The following CUL2 variants were observed in gnomAD, a reference collection of about 807,000 sequenced individuals.
CUL2 encodes cullin-2.
CUL2 carries 22 observed loss-of-function variants against 110.2 expected under a neutral mutation model. The ratio of observed to expected loss-of-function variants is 0.20; its 90% CI spans 0.14 to 0.28. The LOEUF (loss-of-function observed/expected upper bound fraction) is 0.28, where lower values mean the gene tolerates loss of function less well. CUL2 is among the 10% of genes least tolerant of loss of function. The probability of loss-of-function intolerance (pLI) is 1.00; values close to 1 mark genes in which losing one functional copy is unlikely to be tolerated. For missense variants in CUL2, 631 were observed against 905.5 expected, an observed-to-expected ratio of 0.70 and a Z score of 3.89; for synonymous variants, 279 against 293.2, an observed-to-expected ratio of 0.95 and a Z score of 0.49.
chr10:35,122,871 A>G (rs2087694485), intron 1 of CUL2, among the ~76,000 whole-genome samples: 1 of 152,158 alleles, frequency 6.6e-6, no homozygotes, highest in Admixed American at 6.5e-5. Context: ...CAAACTCCTC[A>G]CCTCAAGTGA....
At chr10:35,057,710 C>T (rs2134896048) in intron 4 of CUL2, among the ~76,000 whole-genome samples, 1 of 151,916 alleles carries the variant, frequency 6.6e-6, no homozygotes, top group East Asian at 1.9e-4. Flanking sequence ...TAAACAGTGC[C>T]ATTTTTCATT....
intron 4 of CUL2, among the ~76,000 whole-genome samples, chr10:35,055,726 T>C (rs1375819445): frequency 6.6e-6 from 1 of 151,832 alleles, no homozygotes; most frequent in Non-Finnish European, 1.5e-5. Context: ...TGACCATAAG[T>C]TACAAGATCA....
chr10:35,035,133 G>A, intron 10 of CUL2, 39 bp downstream of exon 10: 1 of 1,612,980 alleles, frequency 6.2e-7, no homozygotes, highest in Non-Finnish European at 8.5e-7. Context: ...CGCTGGATCT[G>A]ATTAGGAGGA....
At chr10:35,079,393 T>TA (rs2086894629) in intron 1 of CUL2, among the ~76,000 whole-genome samples, 1 of 152,200 alleles carries the variant, frequency 6.6e-6, no homozygotes, top group Non-Finnish European at 1.5e-5. Flanking sequence ...GTCCCTGACT[T>TA]AGAGTAAATG....
intron 5 of CUL2, among the ~76,000 whole-genome samples, chr10:35,050,649 C>G (rs1425524420): frequency 6.6e-6 from 1 of 152,212 alleles, no homozygotes; most frequent in Non-Finnish European, 1.5e-5. Context: ...TGGAAACATA[C>G]AGCCATAGCT....
chr10:35,102,775 C>T (rs917306429), intron 1 of CUL2, among the ~76,000 whole-genome samples: 6 of 148,504 alleles, frequency 4.0e-5, no homozygotes, highest in East Asian at 2.0e-4. Flanking sequence ...CCCGGCTACT[C>T]GGGAGGCTGA....
chr10:35,101,314 C>G (rs1022438117), intron 1 of CUL2, among the ~76,000 whole-genome samples: 1 of 152,160 alleles, frequency 6.6e-6, no homozygotes, highest in Non-Finnish European at 1.5e-5. Flanking sequence ...AACTACAGAA[C>G]CAGTTGCTTT....
At chr10:35,096,809 CTTT>C (rs71523358) in intron 2 of CUL2, among the ~76,000 whole-genome samples, 5 of 133,034 alleles carry the variant, frequency 3.8e-5, no homozygotes, top group African/African-American at 2.8e-5. Context: ...TTCAGGTCCA[CTTT>C]TTTTTTTTTT....
At chr10:35,072,705 T>A (rs2134997275) in intron 1 of CUL2, among the ~76,000 whole-genome samples, 1 of 152,312 alleles carries the variant, frequency 6.6e-6, no homozygotes, top group African/African-American at 2.4e-5. Flanking sequence ...GACTCCTGCC[T>A]CAGACAAACT....
chr10:35,043,871 C>T (rs1251471879), intron 8 of CUL2, among the ~76,000 whole-genome samples: 1 of 151,802 alleles, frequency 6.6e-6, no homozygotes, highest in Non-Finnish European at 1.5e-5. Flanking sequence ...GTTCTGAGAC[C>T]AGCCTGGGCA....
intron 5 of CUL2, among the ~76,000 whole-genome samples, chr10:35,051,944 T>A (rs1049926143): frequency 5.9e-5 from 9 of 152,214 alleles, no homozygotes; most frequent in Non-Finnish European, 1.3e-4. Flanking sequence ...GGGTATTTTT[T>A]AAGAAATCCT....
intron 4 of CUL2, among the ~76,000 whole-genome samples, chr10:35,059,074 T>C (rs1418904802): frequency 6.6e-6 from 1 of 152,192 alleles, no homozygotes; most frequent in East Asian, 1.9e-4. Context: ...TTGCTTCTTA[T>C]GGATGAGAAA....
chr10:35,073,296 T>A (rs1021839440), intron 1 of CUL2, among the ~76,000 whole-genome samples: 3 of 152,148 alleles, frequency 2.0e-5, no homozygotes, highest in Admixed American at 6.5e-5. Context: ...TGGGAGAACC[T>A]ACTGAGTTTC....
intron 1 of CUL2, among the ~76,000 whole-genome samples, chr10:35,102,841 C>G (rs2087401458): frequency 6.6e-6 from 1 of 151,084 alleles, no homozygotes; most frequent in South Asian, 2.1e-4. Context: ...TGAGATCACA[C>G]CACTGCACTC....
chr10:35,093,659 C>CAAAAAAAA (rs58582764), upstream of CUL2, among the ~76,000 whole-genome samples: 4 of 87,822 alleles, frequency 4.6e-5, no homozygotes, highest in African/African-American at 8.9e-5. Flanking sequence ...GACCTTCTCT[C>CAAAAAAAA]AAAAAAAAAA....
chr10:35,113,896 AATT>A (rs1004397924), intron 1 of CUL2, among the ~76,000 whole-genome samples: 2 of 149,378 alleles, frequency 1.3e-5, no homozygotes, highest in South Asian at 2.1e-4. Context: ...TTATTTTTTA[AATT>A]ATTATTATTA....
chr10:35,086,025 T>C (rs2087056089), intron 1 of CUL2, among the ~76,000 whole-genome samples: 1 of 151,288 alleles, frequency 6.6e-6, no homozygotes, highest in Non-Finnish European at 1.5e-5. Flanking sequence ...AAGATAAAAA[T>C]AAAGAAACAA....
intron 1 of CUL2, among the ~76,000 whole-genome samples, chr10:35,103,308 ATTTTTTT>A (rs67257350): frequency 1.7e-4 from 16 of 94,574 alleles, no homozygotes; most frequent in African/African-American, 5.2e-4. Flanking sequence ...GGCCAAGCTA[ATTTTTTT>A]TTTTTTTTTT....
At chr10:35,079,849 T>G (rs1027132559) in intron 1 of CUL2, among the ~76,000 whole-genome samples, 6 of 152,052 alleles carry the variant, frequency 3.9e-5, no homozygotes, top group Admixed American at 3.9e-4. Context: ...AAAATCAGGG[T>G]GACTTGAACA....
Sources: allele counts gnomAD v4.1 joint callset (sites outside exome capture counted in the v4.1 genomes callset), GRCh38; gene constraint gnomAD v4.1.1; transcripts MANE v1.5; gene names NCBI Gene and HGNC (gene_info 2026-07-23, HGNC 2026-07-21).